The following PDLIM4 variants were observed in gnomAD, a reference collection of about 807,000 sequenced individuals.
PDLIM4 encodes the protein PDZ and LIM domain protein 4.
PDLIM4 carries 19 observed loss-of-function variants against 31.3 expected under a neutral mutation model. The ratio of observed to expected loss-of-function variants is 0.61; its 90% CI spans 0.42 to 0.89. The LOEUF (loss-of-function observed/expected upper bound fraction) is 0.89. Among genes scored for constraint, PDLIM4 ranks in the 40% least tolerant of loss-of-function variants. The pLI is 0.00. For missense variants in PDLIM4, 442 were observed against 461.1 expected, an observed-to-expected ratio of 0.96 and a Z score of 0.38; for synonymous variants, 176 against 190.1, an observed-to-expected ratio of 0.93 and a Z score of 0.61.
intron 2 of PDLIM4, among the ~76,000 whole-genome samples, chr5:132,266,164 C>G (rs1348248666): frequency 1.3e-5 from 2 of 152,182 alleles, no homozygotes; most frequent in Non-Finnish European, 2.9e-5. Context: ...CTGTAGGCCA[C>G]GAAGAGGGTG....
chr5:132,263,356 G>A (rs1756418178), intron 2 of PDLIM4, among the ~76,000 whole-genome samples: 1 of 152,152 alleles, frequency 6.6e-6, no homozygotes, highest in African/African-American at 2.4e-5. Flanking sequence ...TCGCCACCGT[G>A]GCCCACACCT....
At chr5:132,262,477 C>A in intron 1 of PDLIM4, 132 bp from the exon 2 acceptor site, 2 of 781,072 alleles carry the variant, frequency 2.6e-6, no homozygotes, top group Non-Finnish European at 3.9e-6. Flanking sequence ...AGCCACTCGG[C>A]TTGCCCATCC....
Position 132,262,622 on chromosome 5 carries a change from G to C in PDLIM4, c.107G>C (p.Ser36Thr), listed in dbSNP as rs956765818. The C allele has an allele frequency of 1.2e-6, 2 of 1,608,862 alleles. No individual in the cohort carries two copies. Reference sequence around the variant, plus strand: ...GTCTGCTCGCAGGTCCATGCTGGCAGCAAGGCTGCATTGGCTGCCCTGTGC... The same window carrying C: ...GTCTGCTCGCAGGTCCATGCTGGCACCAAGGCTGCATTGGCTGCCCTGTGC... ...PLTISRVHAG[S>T]KAALAALCPG... is the part of the protein sequence containing the mutation. The change falls in exon 2 of 7, where the codon AGC becomes ACC. Residue 36 changes from serine (S) to threonine (T), a missense_variant. Transcript: ENST00000253754.
intron 1 of PDLIM4, among the ~76,000 whole-genome samples, chr5:132,261,834 C>G (rs949385071): frequency 6.6e-6 from 1 of 152,126 alleles, no homozygotes; most frequent in Non-Finnish European, 1.5e-5. Context: ...TGGCCCTGGA[C>G]TTGCTCAGGG....
At position 132,272,190 on chromosome 5, in the gene PDLIM4, G is replaced by A. The variant is rs748892648; in HGVS notation, c.954G>A (p.Val318=). The A allele has an allele frequency of 6.2e-7, 1 of 1,614,216 alleles. No homozygotes were observed. Among genetic ancestry groups the A allele is most frequent in the Non-Finnish European group, 8.5e-7 (1 of 1,180,040 alleles). ...ARVKPPEGYD[V]VAVYPNAKVE... is the part of the protein sequence containing the mutation. ...TGAAGCCGCCCGAGGGCTACGACGTGGTGGCGGTGTACCCCAATGCCAAGG... is the reference window on the plus strand; with the variant it reads ...TGAAGCCGCCCGAGGGCTACGACGTAGTGGCGGTGTACCCCAATGCCAAGG... The change falls in exon 7 of 7, where the codon GTG becomes GTA. Residue 318 remains valine, a synonymous_variant. Transcript: ENST00000253754.
Position 132,271,942 on chromosome 5 carries a change from C to T in PDLIM4, c.788+34C>T, listed in dbSNP as rs201790154. 1.3e-4 allele frequency: 213 copies of T among 1,593,898 alleles called. No homozygotes were observed. In the East Asian group the frequency reaches 4.6e-3, roughly 34 times the overall value. Reference sequence around the variant, plus strand: ...CCGCCCCCGCTGCCCCTCCCGGACCCTAGCCTTCCAGGGCCCTGGATGCGG... The same window carrying T: ...CCGCCCCCGCTGCCCCTCCCGGACCTTAGCCTTCCAGGGCCCTGGATGCGG... On this transcript the variant is annotated intron_variant, in intron 6 of 6. Transcript: ENST00000253754.
At chr5:132,271,504 C>A (rs756693562) in intron 5 of PDLIM4, 38 bp downstream of exon 5, 2 of 1,600,142 alleles carry the variant, frequency 1.2e-6, no homozygotes, top group Admixed American at 3.3e-5. Flanking sequence ...TGCCTTCCCA[C>A]TCCCTGCAGT....
In PDLIM4 at chr5:132,272,664, G is replaced by C; in HGVS notation, c.*435G>C. On this transcript the variant is annotated 3_prime_UTR_variant, in exon 7 of 7. Transcript: ENST00000253754. ...ACGGGGGAACTGTGTGTGCAAAGGT[G>C]AGCTGGGGGCGAGAAAGGCCTCTGT... The C allele has an allele frequency of 4.2e-6, 1 of 239,710 alleles. No homozygotes were observed. Among genetic ancestry groups the C allele is most frequent in the South Asian group, 5.6e-5 (1 of 17,882 alleles). 14.8% of individuals were successfully genotyped at this position (239,710 alleles called of 1,614,324 possible). A position where few individuals can be genotyped will look rare whatever the true frequency, so the allele number is the denominator to read the frequency against.
intron 2 of PDLIM4, 69 bp downstream of exon 2, chr5:132,262,829 T>C: frequency 6.1e-6 from 9 of 1,474,940 alleles, no homozygotes; most frequent in Non-Finnish European, 8.3e-6. Context: ...GCTGGCATTT[T>C]GGGTGAGCCC....
intron 2 of PDLIM4, 72 bp downstream of exon 2, chr5:132,262,832 G>A: frequency 1.4e-6 from 2 of 1,455,742 alleles, no homozygotes; most frequent in South Asian, 1.3e-5. Flanking sequence ...GGCATTTTGG[G>A]TGAGCCCAGC....
chr5:132,263,275 C>T (rs1756416372), intron 2 of PDLIM4, among the ~76,000 whole-genome samples: 1 of 152,158 alleles, frequency 6.6e-6, no homozygotes, highest in Non-Finnish European at 1.5e-5. Context: ...GGGGCTCTCT[C>T]CTAAGACTAC....
At chr5:132,266,164 C>T (rs1348248666) in intron 2 of PDLIM4, among the ~76,000 whole-genome samples, 7 of 152,182 alleles carry the variant, frequency 4.6e-5, no homozygotes, top group Admixed American at 4.6e-4. Context: ...CTGTAGGCCA[C>T]GAAGAGGGTG....
chr5:132,270,065 A>C (rs186039901), intron 3 of PDLIM4, among the ~76,000 whole-genome samples: 1 of 152,240 alleles, frequency 6.6e-6, no homozygotes, highest in Admixed American at 6.5e-5. Flanking sequence ...TGCACTTGCA[A>C]GCTGGGAACT....
Position 132,266,478 on chromosome 5 carries a change from G to C in PDLIM4, c.260G>C (p.Ser87Thr), listed in dbSNP as rs894600661. Residue 87 changes from serine to threonine, a missense_variant, in exon 3 of 7, where the codon AGC becomes ACC. Transcript: ENST00000253754. ...TLSVSRPEGR[S>T]WPSAPDDSKA... The stretch of plus-strand genomic sequence containing the variant: ...TTCTGCCACAGGCCTGAGGGTAGGA[G>C]CTGGCCCAGTGCCCCTGATGACAGC... The C allele has an allele frequency of 6.2e-7, 1 of 1,611,914 alleles. No individual in the cohort carries two copies. The highest frequency in any genetic ancestry group is 8.5e-7 in the Non-Finnish European group (1 of 1,178,270).
At chr5:132,262,329 G>T (rs1356089560) in intron 1 of PDLIM4, among the ~76,000 whole-genome samples, 1 of 152,188 alleles carries the variant, frequency 6.6e-6, no homozygotes, top group Non-Finnish European at 1.5e-5. Flanking sequence ...ACATACGCAG[G>T]CTGCAAGAAC....
At position 132,272,262 on chromosome 5, in the gene PDLIM4, G is replaced by A. The variant is rs1384143678; in HGVS notation, c.*33G>A. The A allele has an allele frequency of 6.4e-7, 1 of 1,554,274 alleles. No homozygotes were observed. On this transcript the variant is annotated 3_prime_UTR_variant, in exon 7 of 7. Transcript: ENST00000253754. ...CCCTGCTCCCACGCCTGCTTCTTAAGGTCCCTGCTCGGCCGGTGTAAATAT... is the reference window on the plus strand; with the variant it reads ...CCCTGCTCCCACGCCTGCTTCTTAAAGTCCCTGCTCGGCCGGTGTAAATAT...
In PDLIM4 at chr5:132,272,123, TGGACGAGC is replaced by T; in HGVS notation, c.890_897del (p.Asp297AlafsTer4). On this transcript the variant is annotated frameshift_variant, in exon 7 of 7. Coordinates refer to ENST00000253754, the MANE Select transcript of PDLIM4 (RefSeq NM_003687.4). LOFTEE classifies it high-confidence loss of function. ...CTCAAGCAGCGTGGTTACTTCTTTC[TGGACGAGC>T]GGCTCTACTGTGAGAGCCACGCCAA... is the stretch of plus-strand genomic sequence containing the variant. 6.2e-7 allele frequency: 1 copy of T among 1,614,256 alleles called. No homozygotes were observed. Among genetic ancestry groups the T allele is most frequent in the Non-Finnish European group, 8.5e-7 (1 of 1,180,044 alleles).
At chr5:132,262,853 C>T in intron 2 of PDLIM4, 93 bp downstream of exon 2, 2 of 1,222,462 alleles carry the variant, frequency 1.6e-6, no homozygotes, top group East Asian at 2.6e-5. Flanking sequence ...TTCACACAGC[C>T]TCTCTGCCTC....
chr5:132,271,731 C>T (rs746366722), intron 5 of PDLIM4, 60 bp from the exon 6 acceptor site: 9 of 1,239,870 alleles, frequency 7.3e-6, no homozygotes, highest in African/African-American at 3.0e-5. Context: ...CCAAACACCC[C>T]GCAGAAATGG....
Sources: gnomAD v4.1 joint callset for allele counts (sites outside exome capture counted in the v4.1 genomes callset) on GRCh38, gnomAD v4.1.1 for gene constraint, MANE v1.5 for transcripts, NCBI Gene and HGNC (gene_info 2026-07-23, HGNC 2026-07-21) for gene names.